The following MBIP variants were observed in gnomAD, a reference collection of about 807,000 sequenced individuals.
MBIP encodes the protein MAP3K12-binding inhibitory protein 1.
A neutral mutation model predicts 45.7 loss-of-function variants in MBIP; 32 were observed. That is an observed-to-expected ratio of 0.70 (90% CI 0.53 to 0.94). MBIP has a LOEUF of 0.94. Ranked by LOEUF, MBIP falls within the 40% of genes least tolerant of loss-of-function variation. The pLI is 0.00. For missense variants in MBIP, 381 were observed against 405.5 expected (o/e 0.94, Z 0.52); for synonymous variants, 145 against 141.0 (o/e 1.03, Z -0.20).
At chr14:36,308,527 A>C (rs1257245363) in intron 6 of MBIP, among the ~76,000 whole-genome samples, 6 of 152,218 alleles carry the variant, frequency 3.9e-5, no homozygotes, top group African/African-American at 1.4e-4. Flanking sequence ...GAGGACAAAA[A>C]TGCATAGTGA....
At chr14:36,307,116 T>C (rs984868758) in intron 7 of MBIP, among the ~76,000 whole-genome samples, 4 of 152,224 alleles carry the variant, frequency 2.6e-5, no homozygotes, top group Non-Finnish European at 2.9e-5. Context: ...TTGAGAGTAG[T>C]AAATCACTAA....
intron 7 of MBIP, among the ~76,000 whole-genome samples, chr14:36,307,165 T>C (rs1322518203): frequency 6.6e-6 from 1 of 152,196 alleles, no homozygotes; most frequent in Non-Finnish European, 1.5e-5. Flanking sequence ...GACTTGCTGC[T>C]CCCTTTTGTT....
At chr14:36,320,248 A>AACC (rs1880811827) in intron 1 of MBIP, among the ~76,000 whole-genome samples, 1 of 151,862 alleles carries the variant, frequency 6.6e-6, no homozygotes, top group Non-Finnish European at 1.5e-5. Context: ...CTTGGGGAGG[A>AACC]CAGCTGCAAG....
chr14:36,320,421 AT>A, intron 1 of MBIP, 38 bp downstream of exon 1: 1 of 1,613,132 alleles, frequency 6.2e-7, no homozygotes, highest in Non-Finnish European at 8.5e-7. Flanking sequence ...GAGGGACCGG[AT>A]GGTTTCCATA....
chr14:36,300,830 T>TAAAA lies in MBIP; in HGVS notation c.889-11_889-8dup. On this transcript the variant is annotated splice_polypyrimidine_tract_variant and splice_region_variant and intron_variant, in intron 7 of 8. Coordinates refer to ENST00000416007, the MANE Select transcript of MBIP (RefSeq NM_016586.3). ...TTCTTTTTCCAGAAAAGCTCTAGAT[T>TAAAA]AAAAAAAAAAAGGTAATGTTTAGAA... 8.2e-7 allele frequency: 1 copy of TAAAA among 1,219,548 alleles called. No homozygotes were observed. The highest frequency in any genetic ancestry group is 1.1e-6 in the Non-Finnish European group (1 of 895,328). 75.5% of individuals were successfully genotyped at this position (1,219,548 alleles called of 1,614,324 possible). A position where few individuals can be genotyped will look rare whatever the true frequency, so the allele number is the denominator to read the frequency against.
At chr14:36,304,609 C>T (rs1451454989) in intron 7 of MBIP, among the ~76,000 whole-genome samples, 1 of 152,126 alleles carries the variant, frequency 6.6e-6, no homozygotes, top group Admixed American at 6.5e-5. Flanking sequence ...CTTTCCATGG[C>T]TAATGTGAAG....
At chr14:36,307,403 C>T (rs1879947787) in intron 7 of MBIP, among the ~76,000 whole-genome samples, 1 of 151,500 alleles carries the variant, frequency 6.6e-6, no homozygotes. Context: ...TATGGTACTG[C>T]TTTAAAAAAA....
chr14:36,315,376 T>A (rs1034462664), intron 2 of MBIP, among the ~76,000 whole-genome samples: 2 of 152,104 alleles, frequency 1.3e-5, no homozygotes, highest in Non-Finnish European at 1.5e-5. Flanking sequence ...AAGCCCTGCA[T>A]TATCACTGTA....
intron 1 of MBIP, among the ~76,000 whole-genome samples, chr14:36,317,803 C>T (rs968528519): frequency 2.0e-5 from 3 of 151,842 alleles, no homozygotes; most frequent in African/African-American, 4.8e-5. Flanking sequence ...ATCTTTTCTA[C>T]AAAATAAAGG....
chr14:36,298,822 A>G lies in MBIP; in HGVS notation c.*261T>C, dbSNP rs905944340. 3.3e-6 allele frequency: 1 copy of G among 304,376 alleles called. No homozygotes were observed. Among genetic ancestry groups the G allele is most frequent in the Non-Finnish European group, 6.1e-6 (1 of 164,300 alleles). 18.9% of individuals were successfully genotyped at this position (304,376 alleles called of 1,614,324 possible). ...GAAAAAAGATGTACCAGCACTTGTA[A>G]ATTAAGTTTTTCAATTTCCAAAATA... is the stretch of plus-strand genomic sequence containing the variant. On this transcript the variant is annotated 3_prime_UTR_variant, in exon 9 of 9. Coordinates refer to ENST00000416007, the MANE Select transcript of MBIP (RefSeq NM_016586.3).
intron 1 of MBIP, among the ~76,000 whole-genome samples, chr14:36,318,645 T>C (rs540540769): frequency 6.6e-6 from 1 of 151,880 alleles, no homozygotes; most frequent in Non-Finnish European, 1.5e-5. Context: ...AGATGGACCA[T>C]CCAGAGGCAA....
At chr14:36,318,006 A>T (rs1880679184) in intron 1 of MBIP, among the ~76,000 whole-genome samples, 2 of 152,198 alleles carry the variant, frequency 1.3e-5, no homozygotes, top group Admixed American at 1.3e-4. Context: ...AGACAAGTAT[A>T]AAGAGATATG....
rs565969680 is a variant in MBIP, at chr14:36,304,475, G to A, written c.888+3617C>T. ...ACAATATACTTGTAAAAGCATGTTG[G>A]TACTTACTGTTTTCAAGTATCATAA... On this transcript the variant is annotated intron_variant, in intron 7 of 8. Transcript: ENST00000416007. 5.8e-4 allele frequency among the ~76,000 whole-genome samples: 88 copies of A among 152,240 alleles called. No individual in the cohort carries two copies. In the South Asian group the frequency reaches 0.018, roughly 31 times the overall value.
At chr14:36,311,022 A>C (rs1880166168) in intron 6 of MBIP, among the ~76,000 whole-genome samples, 1 of 152,210 alleles carries the variant, frequency 6.6e-6, no homozygotes, top group African/African-American at 2.4e-5. Context: ...CAAGCCAGAG[A>C]TCACAGTGGC....
chr14:36,305,830 C>T (rs1879838785), intron 7 of MBIP, among the ~76,000 whole-genome samples: 1 of 152,198 alleles, frequency 6.6e-6, no homozygotes. Context: ...AAACTGGACT[C>T]TATCCTTGTT....
chr14:36,300,064 G>C (rs1879443762), intron 8 of MBIP, among the ~76,000 whole-genome samples: 1 of 152,126 alleles, frequency 6.6e-6, no homozygotes, highest in Non-Finnish European at 1.5e-5. Flanking sequence ...TATGTGAATT[G>C]TATTTTTAAA....
intron 7 of MBIP, among the ~76,000 whole-genome samples, chr14:36,305,618 C>G (rs1183739488): frequency 6.6e-6 from 1 of 152,146 alleles, no homozygotes; most frequent in Admixed American, 6.5e-5. Context: ...CTCAGACAAT[C>G]TGTGTTCCTA....
chr14:36,311,657 G>A lies in MBIP; in HGVS notation c.706C>T (p.Pro236Ser), dbSNP rs532077440. ...CCACAGTCTCGAAGCATGCTGTTAG[G>A]TTTATGACCTGACCCTGGAATTCCT... is the stretch of plus-strand genomic sequence containing the variant. Reference protein sequence around the residue: ...PEGIPGSGHKPNSMLRDCGNQ... With the variant: ...PEGIPGSGHKSNSMLRDCGNQ... The change falls in exon 6 of 9, where the codon CCT becomes TCT. Residue 236 changes from proline (P) to serine (S), a missense_variant. Pro to Ser is a moderately conservative substitution (Grantham distance 74). Coordinates refer to ENST00000416007, the MANE Select transcript of MBIP (RefSeq NM_016586.3). 5 of 1,613,300 alleles carry A rather than the reference G, an allele frequency of 3.1e-6. No individual in the cohort carries two copies. The African/African-American group carries it at 5.3e-5, about 17-fold the overall frequency.
intron 6 of MBIP, among the ~76,000 whole-genome samples, chr14:36,311,260 T>C (rs995569046): frequency 3.3e-5 from 5 of 152,012 alleles, no homozygotes; most frequent in Non-Finnish European, 5.9e-5. Flanking sequence ...GGAGTTCAAG[T>C]ACAACCTGGG....
Sources: gnomAD v4.1 joint callset for allele counts (sites outside exome capture counted in the v4.1 genomes callset) on GRCh38, gnomAD v4.1.1 for gene constraint, MANE v1.5 for transcripts, NCBI Gene and HGNC (gene_info 2026-07-23, HGNC 2026-07-21) for gene names.